Variants in XKR4 observed in about 807,000 individuals in gnomAD.
XKR4 encodes XK-related protein 4.
In XKR4, 12 loss-of-function variants were observed where a neutral mutation model predicts 53.9. The ratio of observed to expected loss-of-function variants is 0.22; its 90% CI spans 0.14 to 0.36. XKR4 has a LOEUF of 0.36. Among genes scored for constraint, XKR4 ranks in the 10% least tolerant of loss-of-function variants. The probability of loss-of-function intolerance (pLI) is 1.00; values close to 1 mark genes in which losing one functional copy is unlikely to be tolerated. For missense variants in XKR4, 799 were observed against 859.5 expected, an observed-to-expected ratio of 0.93 and a Z score of 0.88; for synonymous variants, 354 against 362.4, an observed-to-expected ratio of 0.98 and a Z score of 0.26.
rs113029733 is a variant in XKR4, at chr8:55,103,428, T to G, written c.806+134T>G. 1.8e-3 allele frequency: 2,537 copies of G among 1,427,960 alleles called. 31 individuals carry two copies. In the African/African-American group the frequency reaches 0.031, roughly 18 times the overall value. 88.5% of individuals were successfully genotyped at this position (1,427,960 alleles called of 1,614,324 possible). A position where few individuals can be genotyped will look rare whatever the true frequency, so the allele number is the denominator to read the frequency against. ...ACACTCTTCCAGTTTTTTGGGTTTC[T>G]TTTGAACTGGGGCTTGCATTTTTAA... On this transcript the variant is annotated intron_variant, in intron 1 of 2. Transcript: ENST00000327381.
At chr8:55,368,946 T>C (rs1804031659) in intron 2 of XKR4, among the ~76,000 whole-genome samples, 4 of 152,244 alleles carry the variant, frequency 2.6e-5, no homozygotes. Context: ...GTAAAACTTT[T>C]ACATATTTGG....
intron 2 of XKR4, among the ~76,000 whole-genome samples, chr8:55,470,853 A>T (rs1191931279): frequency 2.6e-5 from 4 of 152,130 alleles, no homozygotes; most frequent in Non-Finnish European, 5.9e-5. Context: ...TAACTCACCT[A>T]AAGCAACATG....
chr8:55,429,871 A>G (rs551132660), intron 2 of XKR4, among the ~76,000 whole-genome samples: 1 of 152,352 alleles, frequency 6.6e-6, no homozygotes, highest in Non-Finnish European at 1.5e-5. Context: ...GGGAGAATAT[A>G]TTTACAAACC....
chr8:55,366,569 T>C (rs1021919939), intron 2 of XKR4, among the ~76,000 whole-genome samples: 4 of 152,158 alleles, frequency 2.6e-5, no homozygotes, highest in Non-Finnish European at 4.4e-5. Context: ...CGTTTCCTGC[T>C]CCAAAATGAA....
At chr8:55,219,701 T>G (rs113707796) in intron 1 of XKR4, among the ~76,000 whole-genome samples, 1 of 152,208 alleles carries the variant, frequency 6.6e-6, no homozygotes, top group African/African-American at 2.4e-5. Flanking sequence ...AAATTTTTTT[T>G]AAAAATCCAA....
intron 1 of XKR4, among the ~76,000 whole-genome samples, chr8:55,353,549 G>A (rs991386518): frequency 7.9e-5 from 12 of 152,304 alleles, no homozygotes; most frequent in Non-Finnish European, 7.3e-5. Flanking sequence ...CTTCAGAACC[G>A]TGAGATAATA....
At chr8:55,340,138 A>G (rs1004590810) in intron 1 of XKR4, among the ~76,000 whole-genome samples, 4 of 152,370 alleles carry the variant, frequency 2.6e-5, no homozygotes, top group South Asian at 2.1e-4. Flanking sequence ...AAAATATGAT[A>G]TGGCACAAAA....
rs1818208955 is a variant in XKR4 at position 55,241,434 on chromosome 8, TTCTC to T, written c.807-116242_807-116239del. ...TTTTTAAGCCCTGAAAAGCTAGACT[TTCTC>T]TGTCTTCACTGCAGTCCATCAGCCC... On this transcript the variant is annotated intron_variant, in intron 1 of 2. Coordinates refer to ENST00000327381, the MANE Select transcript of XKR4 (RefSeq NM_052898.2). Among the ~76,000 whole-genome samples the T allele has an allele frequency of 9.9e-5, 15 of 152,270 alleles. No homozygotes were observed. In the South Asian group the frequency reaches 3.1e-3, roughly 32 times the overall value.
chr8:55,260,847 G>A (rs189980101), intron 1 of XKR4, among the ~76,000 whole-genome samples: 26 of 152,306 alleles, frequency 1.7e-4, no homozygotes, highest in South Asian at 8.3e-4. Context: ...AGATGGAGCC[G>A]CCATTTTGAA....
chr8:55,329,808 A>G (rs984172843), intron 1 of XKR4, among the ~76,000 whole-genome samples: 40 of 152,182 alleles, frequency 2.6e-4, no homozygotes, highest in Admixed American at 1.3e-4. Flanking sequence ...TTCCCTGTCT[A>G]TGCCCACTTT....
At chr8:55,436,449 G>T (rs759918770) in intron 2 of XKR4, among the ~76,000 whole-genome samples, 42 of 152,318 alleles carry the variant, frequency 2.8e-4, no homozygotes, top group Middle Eastern at 3.4e-3. Context: ...AACCAAATTA[G>T]AATGGTGTTG....
chr8:55,468,046 C>G (rs1805809144), intron 2 of XKR4, among the ~76,000 whole-genome samples: 1 of 152,034 alleles, frequency 6.6e-6, no homozygotes. Flanking sequence ...CTGTTTATTT[C>G]TAAAAAGAGA....
intron 1 of XKR4, among the ~76,000 whole-genome samples, chr8:55,272,491 C>G (rs1484714312): frequency 6.6e-6 from 1 of 152,190 alleles, no homozygotes; most frequent in East Asian, 1.9e-4. Flanking sequence ...AATTTTCAGT[C>G]TAAGCCTGCT....
intron 1 of XKR4, among the ~76,000 whole-genome samples, chr8:55,229,187 A>G (rs1817996683): frequency 6.6e-6 from 1 of 152,180 alleles, no homozygotes; most frequent in South Asian, 2.1e-4. Flanking sequence ...GGCAGCAGGC[A>G]GCCATGGAGC....
At chr8:55,386,183 T>A (rs1258604439) in intron 2 of XKR4, among the ~76,000 whole-genome samples, 1 of 152,156 alleles carries the variant, frequency 6.6e-6, no homozygotes, top group Admixed American at 6.5e-5. Context: ...CATTTAGTAA[T>A]ATTCACATCC....
intron 2 of XKR4, 147 bp from the exon 3 acceptor site, chr8:55,523,132 ACT>A (rs1412630589): frequency 9.9e-6 from 7 of 704,016 alleles, no homozygotes; most frequent in African/African-American, 8.0e-5. Flanking sequence ...ACAGAGCGAG[ACT>A]CTGTCTCAAA....
intron 1 of XKR4, among the ~76,000 whole-genome samples, chr8:55,309,562 C>T (rs954385317): frequency 6.6e-6 from 1 of 152,084 alleles, no homozygotes; most frequent in Non-Finnish European, 1.5e-5. Flanking sequence ...TACACACAAG[C>T]ACACAAATAA....
At chr8:55,413,561 T>C (rs990897146) in intron 2 of XKR4, among the ~76,000 whole-genome samples, 2 of 152,246 alleles carry the variant, frequency 1.3e-5, no homozygotes, top group African/African-American at 2.4e-5. Flanking sequence ...TTAAAGTTTC[T>C]TTCTATTATT....
At chr8:55,502,539 T>C (rs923583822) in intron 2 of XKR4, among the ~76,000 whole-genome samples, 1 of 152,234 alleles carries the variant, frequency 6.6e-6, no homozygotes, top group Non-Finnish European at 1.5e-5. Context: ...TTTGAAGAAA[T>C]ATCTGTTCAA....
Sources: allele counts gnomAD v4.1 joint callset (sites outside exome capture counted in the v4.1 genomes callset), GRCh38; gene constraint gnomAD v4.1.1; transcripts MANE v1.5; gene names NCBI Gene and HGNC (gene_info 2026-07-23, HGNC 2026-07-21).